The following EHF variants were observed in gnomAD, a reference collection of about 807,000 sequenced individuals.
The protein encoded by EHF is ETS homologous factor, also known as ESE3 transcription factor.
EHF carries 14 observed loss-of-function variants against 45.1 expected under a neutral mutation model. The ratio of observed to expected loss-of-function variants is 0.31; its 90% CI spans 0.21 to 0.49. The LOEUF (loss-of-function observed/expected upper bound fraction) is 0.49, where lower values mean the gene tolerates loss of function less well. Ranked by LOEUF, EHF falls within the 20% of genes least tolerant of loss-of-function variation. EHF has a pLI of 0.99. For missense variants in EHF, 282 were observed against 371.4 expected (o/e 0.76, Z 1.98); for synonymous variants, 136 against 131.8 (o/e 1.03, Z -0.22).
intron 2 of EHF, among the ~76,000 whole-genome samples, chr11:34,645,891 T>C (rs536758221): frequency 1.3e-5 from 2 of 152,214 alleles, no homozygotes; most frequent in Admixed American, 6.5e-5. Context: ...CTATAATGAC[T>C]AGGCTGGGGC....
At chr11:34,646,785 G>A in intron 3 of EHF, 101 bp downstream of exon 3, 1 of 1,471,704 alleles carries the variant, frequency 6.8e-7, no homozygotes, top group South Asian at 1.2e-5. Flanking sequence ...ACAAGAAAGA[G>A]TGGTCTCACC....
At position 34,656,937 on chromosome 11, in the gene EHF, G is replaced by T; in HGVS notation, c.574G>T (p.Asp192Tyr). Residue 192 changes from aspartate to tyrosine, a missense_variant, in exon 7 of 9, where the codon GAC becomes TAC. Physicochemically the swap from Asp to Tyr is radical, Grantham distance 160. Around this residue, in one of 3 missense-constraint regions of EHF, gnomAD observed 213 missense variants for 247.3 expected, o/e 0.86. Transcript: ENST00000257831. ...AESPDMKKEQ[D>Y]PPAKCHTKKH... Reference sequence around the variant, plus strand: ...GTCACCTGATATGAAAAAGGAGCAAGACCCCCCTGCCAAGTGCCACACCAA... The same window carrying T: ...GTCACCTGATATGAAAAAGGAGCAATACCCCCCTGCCAAGTGCCACACCAA... 6.2e-7 allele frequency: 1 copy of T among 1,613,668 alleles called. No homozygotes were observed. Among genetic ancestry groups the T allele is most frequent in the African/African-American group, 1.3e-5 (1 of 75,006 alleles).
rs566920827 is a variant in EHF, at chr11:34,632,490, T to C, written c.-3-10138T>C. The C allele has an allele frequency of 5.0e-4, 758 of 1,530,280 alleles. 11 individuals carry two copies. In the South Asian group the frequency reaches 8.6e-3, roughly 17 times the overall value. 94.8% of individuals were successfully genotyped at this position (1,530,280 alleles called of 1,614,324 possible). On this transcript the variant is annotated intron_variant, in intron 1 of 8. Coordinates refer to ENST00000257831, the MANE Select transcript of EHF (RefSeq NM_012153.6). ...ACCCACTGCTTTATTCTGCCCTGAG[T>C]GGAGATTGGTTTTGGCTCAGGCTGC...
chr11:34,643,705 C>T (rs1475265194), intron 2 of EHF, among the ~76,000 whole-genome samples: 1 of 152,208 alleles, frequency 6.6e-6, no homozygotes, highest in Non-Finnish European at 1.5e-5. Flanking sequence ...CACCTGTCCC[C>T]CCAAACTGCT....
At chr11:34,628,062 A>G (rs1852527561) in intron 1 of EHF, among the ~76,000 whole-genome samples, 1 of 152,238 alleles carries the variant, frequency 6.6e-6, no homozygotes, top group Admixed American at 6.5e-5. Flanking sequence ...CAGTCTGGCC[A>G]ACATGGCGAA....
At chr11:34,652,178 G>T (rs1399032133) in intron 6 of EHF, among the ~76,000 whole-genome samples, 1 of 152,146 alleles carries the variant, frequency 6.6e-6, no homozygotes, top group East Asian at 1.9e-4. Context: ...ACTACATTTG[G>T]CTTTAGAGAA....
At chr11:34,646,716 C>T (rs371505335) in intron 3 of EHF, 32 bp downstream of exon 3, 23 of 1,601,588 alleles carry the variant, frequency 1.4e-5, no homozygotes, top group Non-Finnish European at 1.9e-5. Context: ...TCTCCCTACC[C>T]TGCTAGGAGC....
chr11:34,657,836 G>A (rs1855807065), intron 7 of EHF, among the ~76,000 whole-genome samples: 1 of 136,348 alleles, frequency 7.3e-6, no homozygotes. Flanking sequence ...GAATTAGAAT[G>A]TCTTTATCTG....
At chr11:34,632,739 C>G in intron 1 of EHF, 1 of 1,453,556 alleles carries the variant, frequency 6.9e-7, no homozygotes, top group Non-Finnish European at 9.3e-7. Context: ...GGGGAATGAG[C>G]TCAGATGACT....
intron 3 of EHF, among the ~76,000 whole-genome samples, chr11:34,647,951 C>G (rs1307998195): frequency 1.3e-5 from 2 of 152,212 alleles, no homozygotes; most frequent in Non-Finnish European, 2.9e-5. Context: ...TAAATCCACT[C>G]CTTTAAAGCT....
At chr11:34,639,264 C>A (rs570849839) in intron 1 of EHF, among the ~76,000 whole-genome samples, 55 of 152,082 alleles carry the variant, frequency 3.6e-4, no homozygotes, top group African/African-American at 1.1e-3. Context: ...GAAAGCTATG[C>A]TGAAAGCAAA....
chr11:34,642,722 G>A lies in EHF; in HGVS notation c.92G>A (p.Cys31Tyr). ...GCCTGGACAGACAGCTACTCCACGTGCAATGGTAAGAGGGCCTGTGGGTGT... is the reference window on the plus strand; with the variant it reads ...GCCTGGACAGACAGCTACTCCACGTACAATGGTAAGAGGGCCTGTGGGTGT... ...PPAWTDSYST[C>Y]NVSSGFFGGQ... The change falls in exon 2 of 9, where the codon TGC becomes TAC. Residue 31 changes from cysteine (C) to tyrosine (Y), a missense_variant. Cys to Tyr is a radical substitution (Grantham distance 194, BLOSUM62 -2). Transcript: ENST00000257831. 6.2e-7 allele frequency: 1 copy of A among 1,613,440 alleles called. No homozygotes were observed. The highest frequency in any genetic ancestry group is 8.5e-7 in the Non-Finnish European group (1 of 1,179,446).
intron 1 of EHF, among the ~76,000 whole-genome samples, chr11:34,636,952 C>G (rs952442874): frequency 6.7e-6 from 1 of 148,660 alleles, no homozygotes; most frequent in Non-Finnish European, 1.5e-5. Flanking sequence ...TTGCTTGAAC[C>G]TGGGAGGTGG....
At chr11:34,642,785 A>G in intron 2 of EHF, 58 bp downstream of exon 2, 3 of 1,251,558 alleles carry the variant, frequency 2.4e-6, no homozygotes, top group Non-Finnish European at 3.5e-6. Flanking sequence ...CTTTGCTTTA[A>G]TTCCTCTCAC....
At chr11:34,656,993 G>A (rs1210450267) in intron 7 of EHF, 23 bp downstream of exon 7, 1 of 1,612,632 alleles carries the variant, frequency 6.2e-7, no homozygotes, top group East Asian at 2.2e-5. Context: ...GCTTTCAGAT[G>A]GCCTTTGGTC....
Position 34,658,603 on chromosome 11 carries a change from A to T in EHF, c.678A>T (p.Leu226Phe), listed in dbSNP as rs1218323070. ...TGAACCCAGACAAGAACCCAGGATT[A>T]ATAAAATGGGAAGACCGATCTGAGG... ...ILLNPDKNPGLIKWEDRSEGV... is the reference protein window; with the variant it reads ...ILLNPDKNPGFIKWEDRSEGV... The change falls in exon 8 of 9, where the codon TTA becomes TTT. Residue 226 changes from leucine (L) to phenylalanine (F), a missense_variant. Physicochemically the swap from Leu to Phe is conservative, Grantham distance 22 (BLOSUM62 0). This residue lies in a region of EHF where 41 missense variants were observed against 87.0 expected (regional missense o/e 0.47). Coordinates refer to ENST00000257831, the MANE Select transcript of EHF (RefSeq NM_012153.6). 2 of 1,613,608 alleles carry T rather than the reference A, an allele frequency of 1.2e-6. No individual in the cohort carries two copies. The highest frequency in any genetic ancestry group is 2.7e-5 in the African/African-American group (2 of 74,880).
chr11:34,659,094 T>A lies in EHF; in HGVS notation c.*163T>A. On this transcript the variant is annotated 3_prime_UTR_variant, in exon 9 of 9. Transcript: ENST00000257831. ...GGGAAGAAGAAACACTACGGTCGAT[T>A]AAAAAAATTATTTTGTTACTTCGAA... 1.8e-6 allele frequency: 1 copy of A among 562,516 alleles called. No homozygotes were observed. The highest frequency in any genetic ancestry group is 3.1e-6 in the Non-Finnish European group (1 of 327,630). 34.8% of individuals were successfully genotyped at this position (562,516 alleles called of 1,614,324 possible).
At chr11:34,647,482 C>T (rs1002694715) in intron 3 of EHF, among the ~76,000 whole-genome samples, 1 of 152,202 alleles carries the variant, frequency 6.6e-6, no homozygotes, top group Non-Finnish European at 1.5e-5. Flanking sequence ...ATGGTTTTGA[C>T]ACTGGCATAA....
At position 34,638,603 on chromosome 11, in the gene EHF, G is replaced by C. The variant is rs148854138; in HGVS notation, c.-3-4025G>C. ...GGTTTTTGCCTCAGGGACATGGTGT[G>C]TGTGGAGGGGGTGCTGCTGGCATCT... On this transcript the variant is annotated intron_variant, in intron 1 of 8. Transcript: ENST00000257831. Among the ~76,000 whole-genome samples the C allele has an allele frequency of 1.6e-4, 24 of 152,304 alleles. No individual in the cohort carries two copies. The East Asian group carries it at 4.3e-3, about 27-fold the overall frequency.
Sources: gnomAD v4.1 joint callset for allele counts (sites outside exome capture counted in the v4.1 genomes callset) on GRCh38, gnomAD v4.1.1 for gene constraint, gnomAD v4.1.1 regional missense constraint, MANE v1.5 for transcripts, NCBI Gene and HGNC (gene_info 2026-07-23, HGNC 2026-07-21) for gene names.